The following FBXW7 variants were observed in gnomAD, a reference collection of about 807,000 sequenced individuals.
FBXW7 encodes F-box/WD repeat-containing protein 7.
In FBXW7, 11 loss-of-function variants were observed where a neutral mutation model predicts 86.3. The ratio of observed to expected loss-of-function variants is 0.13; its 90% confidence interval spans 0.08 to 0.21. FBXW7 has a LOEUF of 0.21. FBXW7 is among the 10% of genes least tolerant of loss of function. The pLI, the probability that FBXW7 is intolerant of heterozygous loss-of-function variation, is 1.00. For missense variants in FBXW7, 488 were observed against 847.4 expected (o/e 0.58, Z 5.27); for synonymous variants, 313 against 297.9 (o/e 1.05, Z -0.52).
At position 152,329,669 on chromosome 4, in the gene FBXW7, T is replaced by TA; in HGVS notation, c.1236+2dup. The TA allele has an allele frequency of 6.5e-7, 1 of 1,539,074 alleles. No homozygotes were observed. On this transcript the variant is annotated splice_region_variant and intron_variant, in intron 10 of 13. Transcript: ENST00000281708. Reference sequence around the variant, plus strand: ...TTGTGAAGTGTAGGAAGAGTAAACTTACTTTGCCTGTGACTGCTGACCAAA... The same window carrying TA: ...TTGTGAAGTGTAGGAAGAGTAAACTTAACTTTGCCTGTGACTGCTGACCAAA...
intron 4 of FBXW7, among the ~76,000 whole-genome samples, chr4:152,365,748 G>C (rs1391854042): frequency 6.6e-6 from 1 of 152,206 alleles, no homozygotes; most frequent in Admixed American, 6.6e-5. Flanking sequence ...TTCTGGCCCA[G>C]AAGAAAGGTC....
intron 2 of FBXW7, among the ~76,000 whole-genome samples, chr4:152,474,028 A>C (rs1744186010): frequency 6.6e-6 from 1 of 152,212 alleles, no homozygotes; most frequent in Admixed American, 6.5e-5. Flanking sequence ...CAGACTAGGA[A>C]TATAGTTTAG....
intron 2 of FBXW7, among the ~76,000 whole-genome samples, chr4:152,506,448 ACGACTGG>A (rs921696756): frequency 4.6e-5 from 7 of 152,282 alleles, no homozygotes; most frequent in African/African-American, 1.4e-4. Flanking sequence ...ATACTTTCAG[ACGACTGG>A]CAGTGCAGAA....
At chr4:152,360,934 T>C (rs1732881964) in intron 4 of FBXW7, among the ~76,000 whole-genome samples, 1 of 151,446 alleles carries the variant, frequency 6.6e-6, no homozygotes, top group Admixed American at 6.6e-5. Flanking sequence ...TTTTAAAATA[T>C]AGGCATCTCT....
chr4:152,326,719 TC>T (rs1166706082), intron 11 of FBXW7, among the ~76,000 whole-genome samples: 11 of 152,122 alleles, frequency 7.2e-5, no homozygotes, highest in Admixed American at 6.6e-4. Context: ...ATGCATATAT[TC>T]CCTTGTGATT....
At chr4:152,408,864 T>C (rs1393700231) in intron 4 of FBXW7, among the ~76,000 whole-genome samples, 2 of 152,190 alleles carry the variant, frequency 1.3e-5, no homozygotes, top group African/African-American at 4.8e-5. Flanking sequence ...TATGTATCTG[T>C]AGTAGGATCT....
At chr4:152,352,962 A>G (rs1731999043) in intron 4 of FBXW7, 2 of 1,385,084 alleles carry the variant, frequency 1.4e-6, no homozygotes, top group South Asian at 1.7e-5. Context: ...CCGTAAGAAC[A>G]CAACGCACTG....
chr4:152,414,294 G>A (rs1035430352), intron 2 of FBXW7, among the ~76,000 whole-genome samples: 9 of 152,040 alleles, frequency 5.9e-5, no homozygotes, highest in African/African-American at 2.2e-4. Context: ...ATTCTAAACT[G>A]CACAATCACT....
intron 3 of FBXW7, 128 bp from the exon 4 acceptor site, chr4:152,412,000 A>T (rs1738008588): frequency 2.4e-6 from 2 of 827,716 alleles, no homozygotes; most frequent in South Asian, 5.2e-5. Flanking sequence ...CCAAGGCATT[A>T]AAATGTTCTT....
intron 2 of FBXW7, among the ~76,000 whole-genome samples, chr4:152,415,474 G>A (rs1738343110): frequency 6.6e-6 from 1 of 151,952 alleles, no homozygotes; most frequent in African/African-American, 2.4e-5. Context: ...AGAAGTTTAG[G>A]ATTTTCACTG....
Position 152,322,897 on chromosome 4 carries a change from T to A in FBXW7, c.2108A>T (p.Asp703Val), listed in dbSNP as rs966641557. ...TTCTGCTCTTCACTTCATGTCCACATCAAAGTCCAGCACCAGCAGCTTGGT... is the reference window on the plus strand; with the variant it reads ...TTCTGCTCTTCACTTCATGTCCACAACAAAGTCCAGCACCAGCAGCTTGGT... Reference protein sequence around the residue: ...EETKLLVLDFDVDMK With the variant: ...EETKLLVLDFVVDMK Residue 703 changes from aspartate to valine, a missense_variant, in exon 14 of 14, where the codon GAT becomes GTT. Physicochemically the swap from Asp to Val is radical, Grantham distance 152. Around this residue, in one of 4 missense-constraint regions of FBXW7, gnomAD observed 142 missense variants for 406.6 expected, o/e 0.35. Transcript: ENST00000281708. 2 of 1,613,582 alleles carry A rather than the reference T, an allele frequency of 1.2e-6. No homozygotes were observed. Among genetic ancestry groups the A allele is most frequent in the African/African-American group, 2.7e-5 (2 of 74,848 alleles).
chr4:152,477,567 TACTC>T (rs571289505), intron 2 of FBXW7, among the ~76,000 whole-genome samples: 1 of 152,156 alleles, frequency 6.6e-6, no homozygotes, highest in East Asian at 1.9e-4. Context: ...AACCCATAAA[TACTC>T]AACCACTGCA....
chr4:152,352,747 A>G, intron 4 of FBXW7: 1 of 1,611,308 alleles, frequency 6.2e-7, no homozygotes, highest in East Asian at 2.2e-5. Flanking sequence ...ATGCAGCTTG[A>G]CTGAGAAGAA....
At chr4:152,470,292 T>C (rs754827260) in intron 2 of FBXW7, among the ~76,000 whole-genome samples, 39 of 152,100 alleles carry the variant, frequency 2.6e-4, no homozygotes, top group Non-Finnish European at 4.6e-4. Flanking sequence ...CAAAAAATTA[T>C]AGATCAAGAC....
At chr4:152,429,494 A>T (rs1739697660) in intron 2 of FBXW7, among the ~76,000 whole-genome samples, 1 of 152,086 alleles carries the variant, frequency 6.6e-6, no homozygotes, top group Non-Finnish European at 1.5e-5. Context: ...GGGTCTTTTT[A>T]TATAAAAAGA....
intron 2 of FBXW7, 134 bp downstream of exon 2, chr4:152,534,807 C>G (rs138892570): frequency 6.6e-6 from 1 of 152,404 alleles, no homozygotes; most frequent in Non-Finnish European, 1.5e-5. Flanking sequence ...CACCTTCCCC[C>G]CTCCGTGAAT....
chr4:152,360,845 A>G (rs1732874302), intron 4 of FBXW7, among the ~76,000 whole-genome samples: 1 of 147,914 alleles, frequency 6.8e-6, no homozygotes, highest in Non-Finnish European at 1.5e-5. Flanking sequence ...AAATATATAT[A>G]TATATATAAA....
chr4:152,368,691 T>C (rs1345520147), intron 4 of FBXW7, among the ~76,000 whole-genome samples: 1 of 152,168 alleles, frequency 6.6e-6, no homozygotes, highest in East Asian at 1.9e-4. Context: ...GAACTTAAAA[T>C]TATAATGGAA....
At position 152,393,816 on chromosome 4, in the gene FBXW7, C is replaced by T. The variant is rs183239634; in HGVS notation, c.501+17487G>A. Among the ~76,000 whole-genome samples, 12 of 152,222 alleles carry T rather than the reference C, an allele frequency of 7.9e-5. No homozygotes were observed. The East Asian group carries it at 2.1e-3, about 27-fold the overall frequency. Reference sequence around the variant, plus strand: ...TGCTATTTCTAAAGCAGAGAAACTACCTTTTGCATCAGCAAAAACCAACTG... The same window carrying T: ...TGCTATTTCTAAAGCAGAGAAACTATCTTTTGCATCAGCAAAAACCAACTG... On this transcript the variant is annotated intron_variant, in intron 4 of 13. Transcript: ENST00000281708.
Sources: allele counts gnomAD v4.1 joint callset (sites outside exome capture counted in the v4.1 genomes callset), GRCh38; gene constraint gnomAD v4.1.1; regional missense constraint gnomAD v4.1.1; transcripts MANE v1.5; gene names NCBI Gene and HGNC (gene_info 2026-07-23, HGNC 2026-07-21).